ZNF574: variants seen among roughly 807,000 people sequenced by gnomAD.
ZNF574 encodes the protein zinc finger protein 574.
In ZNF574, 25 loss-of-function variants were observed where a neutral mutation model predicts 56.6. The ratio of observed to expected loss-of-function variants is 0.44; its 90% CI spans 0.32 to 0.62. The LOEUF is 0.62. Among genes scored for constraint, ZNF574 ranks in the 20% least tolerant of loss-of-function variants. The pLI, the probability that ZNF574 is intolerant of heterozygous loss-of-function variation, is 0.04. For missense variants in ZNF574, 1,065 were observed against 1,218.9 expected (o/e 0.87, Z 1.88); for synonymous variants, 543 against 492.1 (o/e 1.10, Z -1.37).
chr19:42,074,487 A>AAATAC (rs898225878), upstream of ZNF574, among the ~76,000 whole-genome samples: 1 of 151,230 alleles, frequency 6.6e-6, no homozygotes, highest in African/African-American at 2.4e-5. Flanking sequence ...AAATAAAATA[A>AAATAC]AATAAAATAA....
chr19:42,080,425 T>C lies in ZNF574; in HGVS notation c.1819T>C (p.Tyr607His), dbSNP rs2076490162. The C allele has an allele frequency of 6.2e-7, 1 of 1,614,104 alleles. No individual in the cohort carries two copies. The highest frequency in any genetic ancestry group is 1.7e-5 in the Admixed American group (1 of 60,008). ...CTACCATCACACAGGTGAATACCCCTACAAGTGTCGCGAGTGCCCCCGCTC... is the reference window on the plus strand; with the variant it reads ...CTACCATCACACAGGTGAATACCCCCACAAGTGTCGCGAGTGCCCCCGCTC... ...HRYHHTGEYP[Y>H]KCRECPRSFL... The change falls in exon 2 of 2, where the codon TAC becomes CAC. Residue 607 changes from tyrosine (Y) to histidine (H), a missense_variant. By Grantham distance (83) the Tyr-to-His change is moderately conservative. Transcript: ENST00000359044. The surrounding 1 kb of genome is among the most constrained non-coding windows in gnomAD (Gnocchi z 8.5).
At chr19:42,071,272 G>A (rs1424833544), upstream of ZNF574, among the ~76,000 whole-genome samples, 2 of 150,736 alleles carry the variant, frequency 1.3e-5, no homozygotes, top group Admixed American at 6.6e-5. Flanking sequence ...TCTTGGAGTG[G>A]GGGTGGGTGG....
rs1304966452 is a variant in ZNF574, at chr19:42,079,391, C to T, written c.785C>T (p.Pro262Leu). Residue 262 changes from proline to leucine, a missense_variant, in exon 2 of 2, where the codon CCT (proline) becomes CTT (leucine). Pro to Leu is a moderately conservative substitution (Grantham distance 98). Transcript: ENST00000359044. This position sits in a 1 kb window ranked among gnomAD's most constrained non-coding sequence, Gnocchi z 4.3. ...CAGGCCTCGTCACCTGCAGAGGTGC[C>T]TGTGTCTCAGCCTGACCCCTTGCCA... ...EVQASSPAEVPVSQPDPLPAS... is the reference protein window; with the variant it reads ...EVQASSPAEVLVSQPDPLPAS... 1.2e-6 allele frequency: 2 copies of T among 1,613,696 alleles called. No homozygotes were observed. Among genetic ancestry groups the T allele is most frequent in the East Asian group, 2.2e-5 (1 of 44,894 alleles).
rs1408509227 is a variant in ZNF574 at position 42,081,114 on chromosome 19, C to T, written c.2508C>T (p.Asn836=). 1.9e-6 allele frequency: 3 copies of T among 1,614,164 alleles called. No individual in the cohort carries two copies. In the East Asian group the frequency reaches 6.7e-5, roughly 36 times the overall value. Residue 836 remains asparagine, a synonymous_variant, in exon 2 of 2, where the codon AAC becomes AAT. Coordinates refer to ENST00000359044, the MANE Select transcript of ZNF574 (RefSeq NM_022752.6). ...DCGKSYRSFS[N]LWKHRKTHQQ... is the part of the protein sequence containing the mutation. ...GCAAGAGCTACCGCTCCTTCTCCAA[C>T]CTCTGGAAGCACCGCAAGACCCATC...
chr19:42,079,795 G>A lies in ZNF574; in HGVS notation c.1189G>A (p.Gly397Arg), dbSNP rs1198911227. Residue 397 changes from glycine (G) to arginine (R), a missense_variant, in exon 2 of 2, where the codon GGG (glycine) becomes AGG (arginine). Coordinates refer to ENST00000359044, the MANE Select transcript of ZNF574 (RefSeq NM_022752.6). The surrounding 1 kb of genome is among the most constrained non-coding windows in gnomAD (Gnocchi z 4.3). ...TPNPLHSCPC[G>R]KTFVNLTKFL... ...GAATCCTCTGCATTCATGTCCATGT[G>A]GGAAGACCTTTGTCAACCTTACCAA... The A allele has an allele frequency of 1.2e-6, 2 of 1,614,012 alleles. No individual in the cohort carries two copies. The highest frequency in any genetic ancestry group is 1.3e-5 in the African/African-American group (1 of 74,908).
upstream of ZNF574, among the ~76,000 whole-genome samples, chr19:42,073,283 A>G (rs1016385197): frequency 1.3e-5 from 2 of 152,216 alleles, no homozygotes; most frequent in Non-Finnish European, 2.9e-5. Context: ...AGGGTTGTTG[A>G]GAGGATTAAA....
chr19:42,069,572 G>A (rs530405275), intron 1 of ZNF574: 4 of 146,922 alleles, frequency 2.7e-5, no homozygotes, highest in Admixed American at 1.3e-4. Flanking sequence ...AAAACGGAAG[G>A]GGGGGGCACA....
At chr19:42,073,598 A>G (rs2076438954), upstream of ZNF574, among the ~76,000 whole-genome samples, 1 of 150,980 alleles carries the variant, frequency 6.6e-6, no homozygotes, top group African/African-American at 2.4e-5. Context: ...AGGTAGATGG[A>G]TCAACTTGAG....
rs759651572 is a variant in ZNF574 at position 42,079,468 on chromosome 19, C to T, written c.862C>T (p.Arg288Cys). 5 of 1,613,516 alleles carry T rather than the reference C, an allele frequency of 3.1e-6. No homozygotes were observed. The Admixed American group carries it at 6.7e-5, about 22-fold the overall frequency. Reference sequence around the variant, plus strand: ...CAATGGTGAAGCCATTGGGCGGGATCGCCGGGGGCGCAGGGCCCGGAGGAA... The same window carrying T: ...CAATGGTGAAGCCATTGGGCGGGATTGCCGGGGGCGCAGGGCCCGGAGGAA... ...LRNGEAIGRD[R>C]RGRRARRNNS... The change falls in exon 2 of 2, where the codon CGC (arginine) becomes TGC (cysteine). Residue 288 changes from arginine to cysteine, a missense_variant. By Grantham distance (180) the Arg-to-Cys change is radical. Coordinates refer to ENST00000359044, the MANE Select transcript of ZNF574 (RefSeq NM_022752.6). The surrounding 1 kb of genome is among the most constrained non-coding windows in gnomAD (Gnocchi z 4.3).
intron 1 of ZNF574, chr19:42,069,155 A>C: frequency 2.5e-6 from 1 of 396,396 alleles, no homozygotes; most frequent in Non-Finnish European, 4.5e-6. Context: ...AACGGGGAGA[A>C]TGTGGTGCCC....
At chr19:42,072,717 C>A (rs909230051), upstream of ZNF574, among the ~76,000 whole-genome samples, 1 of 152,194 alleles carries the variant, frequency 6.6e-6, no homozygotes, top group East Asian at 1.9e-4. Context: ...CAGGCATGCA[C>A]CACCATGCCT....
rs2146220784 is a variant in ZNF574, at chr19:42,081,143, AGCAGCATCAGGCAGCTGTGCG to A, written c.2544_2564del (p.His848_Gln854del). On this transcript the variant is annotated inframe_deletion, in exon 2 of 2. Coordinates refer to ENST00000359044, the MANE Select transcript of ZNF574 (RefSeq NM_022752.6). Reference sequence around the variant, plus strand: ...TGGAAGCACCGCAAGACCCATCAGCAGCAGCATCAGGCAGCTGTGCGGCAGCAGCTGGCAGAGGCGGAGGCT... The same window carrying A: ...TGGAAGCACCGCAAGACCCATCAGCAGCAGCAGCTGGCAGAGGCGGAGGCT... The A allele has an allele frequency of 6.2e-7, 1 of 1,614,180 alleles. No homozygotes were observed. Among genetic ancestry groups the A allele is most frequent in the African/African-American group, 1.3e-5 (1 of 75,078 alleles).
chr19:42,074,627 T>G (rs1284000627), upstream of ZNF574: 3 of 152,276 alleles, frequency 2.0e-5, no homozygotes, highest in Non-Finnish European at 2.9e-5. Flanking sequence ...CTCAGGACAG[T>G]TGACTTGCCC....
chr19:42,075,754 G>C (rs753704160), upstream of ZNF574, among the ~76,000 whole-genome samples: 1 of 151,858 alleles, frequency 6.6e-6, no homozygotes, highest in Non-Finnish European at 1.5e-5. Context: ...CAATTTCCCA[G>C]GCTCTTTTCC....
rs368574626 is a variant in ZNF574, at chr19:42,080,667, G to A, written c.2061G>A (p.Ala687=). 3.5e-5 allele frequency: 56 copies of A among 1,613,024 alleles called. No individual in the cohort carries two copies. In the East Asian group the frequency reaches 7.6e-4, roughly 22 times the overall value. The part of the protein sequence containing the change: ...GSAARLQAHE[A]AHAAAGPGEV... ...CTGCTCGACTGCAGGCACACGAGGCGGCCCATGCAGCTGCTGGGCCTGGAG... is the reference window on the plus strand; with the variant it reads ...CTGCTCGACTGCAGGCACACGAGGCAGCCCATGCAGCTGCTGGGCCTGGAG... The change falls in exon 2 of 2, where the codon GCG becomes GCA. Residue 687 remains alanine, a synonymous_variant. Transcript: ENST00000359044. This position sits in a 1 kb window ranked among gnomAD's most constrained non-coding sequence, Gnocchi z 8.5.
upstream of ZNF574, chr19:42,074,795 GTAAA>G (rs1568941928): frequency 2.0e-5 from 3 of 152,370 alleles, no homozygotes; most frequent in Non-Finnish European, 1.5e-5. Flanking sequence ...CTTCAGGTAA[GTAAA>G]TAAATAACAC....
At chr19:42,075,678 C>T (rs1278237905), upstream of ZNF574, among the ~76,000 whole-genome samples, 1 of 152,200 alleles carries the variant, frequency 6.6e-6, no homozygotes, top group East Asian at 1.9e-4. Flanking sequence ...CTCTGACCCT[C>T]GGGGAAACCA....
rs2076396873 is a variant in ZNF574, at chr19:42,069,695, C to A, written c.250+734C>A. ...CGAGGACTGGGTGGAGAAAAGGAAG[C>A]CGGCCATCAGGAGAAGTGGGGGAGG... is the stretch of plus-strand genomic sequence containing the variant. On this transcript the variant is annotated intron_variant, in intron 1 of 1. Transcript: ENST00000222339. Among the ~76,000 whole-genome samples, 16 of 149,544 alleles carry A rather than the reference C, an allele frequency of 1.1e-4. No homozygotes were observed. The South Asian group carries it at 3.4e-3, about 32-fold the overall frequency.
chr19:42,080,079 G>A lies in ZNF574; in HGVS notation c.1473G>A (p.Leu491=), dbSNP rs1309166731. 1 of 1,614,148 alleles carries A rather than the reference G, an allele frequency of 6.2e-7. No homozygotes were observed. ...LTRHQRFVHR[L]ERRHKCSICG... is the part of the protein sequence containing the mutation. ...GGCACCAACGTTTTGTGCATCGGCT[G>A]GAGCGGCGCCATAAATGCAGCATTT... The change falls in exon 2 of 2, where the codon CTG becomes CTA. Residue 491 remains leucine, a synonymous_variant. Coordinates refer to ENST00000359044, the MANE Select transcript of ZNF574 (RefSeq NM_022752.6). The surrounding 1 kb of genome is among the most constrained non-coding windows in gnomAD (Gnocchi z 8.5).
Sources: gnomAD v4.1 joint callset for allele counts (sites outside exome capture counted in the v4.1 genomes callset) on GRCh38, gnomAD v4.1.1 for gene constraint, Gnocchi (gnomAD v3.1) non-coding constraint, MANE v1.5 for transcripts, NCBI Gene and HGNC (gene_info 2026-07-23, HGNC 2026-07-21) for gene names.